The following ALK variants were observed in gnomAD, a reference collection of about 807,000 sequenced individuals.
ALK encodes ALK tyrosine kinase receptor.
In ALK, 74 loss-of-function variants were observed where a neutral mutation model predicts 163.1. The observed-to-expected ratio is 0.45, with a 90% CI of 0.38 to 0.55. ALK has a LOEUF of 0.55. Among genes scored for constraint, ALK ranks in the 20% least tolerant of loss-of-function variants. The pLI is 0.00. For missense variants in ALK, 2,063 were observed against 2,105.3 expected (o/e 0.98, Z 0.39); for synonymous variants, 960 against 843.2 (o/e 1.14, Z -2.40).
chr2:29,308,281 A>G (rs1666587563), intron 8 of ALK, among the ~76,000 whole-genome samples: 1 of 152,192 alleles, frequency 6.6e-6, no homozygotes. Flanking sequence ...ATCTAAATCT[A>G]TCTGTCTGGA....
intron 5 of ALK, among the ~76,000 whole-genome samples, chr2:29,375,908 C>T (rs1378487857): frequency 6.6e-6 from 1 of 152,152 alleles, no homozygotes; most frequent in African/African-American, 2.4e-5. Flanking sequence ...TCCTAAAGTT[C>T]ATCTTAATCA....
At chr2:29,704,278 A>T (rs998507127) in intron 2 of ALK, among the ~76,000 whole-genome samples, 2 of 152,196 alleles carry the variant, frequency 1.3e-5, no homozygotes, top group Non-Finnish European at 2.9e-5. Flanking sequence ...CTCAGTGGCC[A>T]CTAATCTTGA....
intron 4 of ALK, among the ~76,000 whole-genome samples, chr2:29,530,702 C>G (rs1462970977): frequency 6.6e-6 from 1 of 152,192 alleles, no homozygotes; most frequent in African/African-American, 2.4e-5. Context: ...AGGCTTGGTG[C>G]CAGAAGATAG....
At chr2:29,353,282 G>T (rs1442436042) in intron 5 of ALK, among the ~76,000 whole-genome samples, 1 of 152,206 alleles carries the variant, frequency 6.6e-6, no homozygotes, top group African/African-American at 2.4e-5. Flanking sequence ...GTGCTTAGAA[G>T]AGCTTCAGGT....
intron 3 of ALK, among the ~76,000 whole-genome samples, chr2:29,557,786 A>G (rs1192102206): frequency 4.6e-5 from 7 of 152,202 alleles, no homozygotes; most frequent in Non-Finnish European, 7.3e-5. Context: ...TAAGTGCCAC[A>G]TAATAGTAAT....
chr2:29,781,433 G>C (rs950459287), intron 1 of ALK, among the ~76,000 whole-genome samples: 1 of 152,118 alleles, frequency 6.6e-6, no homozygotes. Context: ...CATGGGCCTT[G>C]CATGTCACCA....
At chr2:29,617,982 G>A (rs952140683) in intron 3 of ALK, among the ~76,000 whole-genome samples, 14 of 152,158 alleles carry the variant, frequency 9.2e-5, no homozygotes, top group African/African-American at 2.9e-4. Flanking sequence ...GCCCTTGCAC[G>A]ATGACTCCAG....
intron 26 of ALK, among the ~76,000 whole-genome samples, chr2:29,199,599 A>C (rs1243811276): frequency 6.6e-6 from 1 of 152,050 alleles, no homozygotes; most frequent in African/African-American, 2.4e-5. Flanking sequence ...TTTTCACTTC[A>C]TCTATTTGTC....
intron 3 of ALK, among the ~76,000 whole-genome samples, chr2:29,652,558 C>T (rs547095047): frequency 8.5e-5 from 13 of 152,106 alleles, no homozygotes; most frequent in Non-Finnish European, 1.8e-4. Flanking sequence ...CTGGCAGCCC[C>T]TAGGTAGCTT....
intron 4 of ALK, among the ~76,000 whole-genome samples, chr2:29,402,807 G>C (rs1669479863): frequency 6.6e-6 from 1 of 152,052 alleles, no homozygotes. Flanking sequence ...CCTCTTGGAG[G>C]GTTCTCTCGC....
At chr2:29,435,629 TAA>T (rs759242560) in intron 4 of ALK, among the ~76,000 whole-genome samples, 9 of 139,506 alleles carry the variant, frequency 6.5e-5, no homozygotes, top group Admixed American at 7.2e-5. Flanking sequence ...CACGGTGGTT[TAA>T]AAAAAAAAAA....
chr2:29,832,009 T>C (rs1042198465), intron 1 of ALK, among the ~76,000 whole-genome samples: 8 of 152,230 alleles, frequency 5.3e-5, no homozygotes, highest in Non-Finnish European at 1.2e-4. Flanking sequence ...ATACGATTTA[T>C]GAAGAACCTC....
chr2:29,193,612 A>G lies in ALK; in HGVS notation c.4475T>C (p.Val1492Ala), dbSNP rs984233224. 1 of 1,614,172 alleles carries G rather than the reference A, an allele frequency of 6.2e-7. No individual in the cohort carries two copies. Among genetic ancestry groups the G allele is most frequent in the African/African-American group, 1.3e-5 (1 of 75,042 alleles). Reference protein sequence around the residue: ...QSNPPSELHKVHGSRNKPTSL... With the variant: ...QSNPPSELHKAHGSRNKPTSL... ...GGTGGGCTTGTTTCTGGATCCGTGG[A>G]CCTTGTGCAACTCCGAAGGAGGGTT... Residue 1492 changes from valine to alanine, a missense_variant, in exon 29 of 29, where the codon GTC becomes GCC. Val to Ala is a moderately conservative substitution (Grantham distance 64). Coordinates refer to ENST00000389048, the MANE Select transcript of ALK (RefSeq NM_004304.5).
chr2:29,744,868 C>A (rs911328132), intron 1 of ALK, among the ~76,000 whole-genome samples: 2 of 152,086 alleles, frequency 1.3e-5, no homozygotes, highest in Admixed American at 6.6e-5. Context: ...AACCTCAGAA[C>A]TCATCCAGTG....
At chr2:29,310,838 C>T (rs34699688) in intron 8 of ALK, among the ~76,000 whole-genome samples, 22,022 of 152,120 alleles carry the variant, frequency 0.14, 1,857 homozygotes, top group South Asian at 0.21. Context: ...ACAGGGTAGC[C>T]GTGGGAGGTG....
At chr2:29,755,901 T>C (rs777641206) in intron 1 of ALK, among the ~76,000 whole-genome samples, 2 of 152,228 alleles carry the variant, frequency 1.3e-5, no homozygotes, top group Admixed American at 6.5e-5. Flanking sequence ...CAGCCCTTTC[T>C]GCCAGTGCTT....
chr2:29,297,841 G>GTCTTTGTGTTTAAAAT (rs1666243271), intron 8 of ALK, among the ~76,000 whole-genome samples: 1 of 152,060 alleles, frequency 6.6e-6, no homozygotes, highest in Non-Finnish European at 1.5e-5. Flanking sequence ...CAAGGTTTCT[G>GTCTTTGTGTTTAAAAT]GTCTTTGTGT....
chr2:29,571,282 TTC>T, intron 3 of ALK, among the ~76,000 whole-genome samples: 1 of 152,246 alleles, frequency 6.6e-6, no homozygotes, highest in African/African-American at 2.4e-5. Context: ...TGTGGTTTGG[TTC>T]TGTGTCCCCA....
At chr2:29,599,740 T>C (rs1675323382) in intron 3 of ALK, among the ~76,000 whole-genome samples, 1 of 152,228 alleles carries the variant, frequency 6.6e-6, no homozygotes, top group African/African-American at 2.4e-5. Context: ...AATAGATATA[T>C]ATCCATACTT....
Sources: gnomAD v4.1 joint callset for allele counts (sites outside exome capture counted in the v4.1 genomes callset) on GRCh38, gnomAD v4.1.1 for gene constraint, MANE v1.5 for transcripts, NCBI Gene and HGNC (gene_info 2026-07-23, HGNC 2026-07-21) for gene names.